IGF1R: variants seen among roughly 807,000 people sequenced by gnomAD.
The protein encoded by IGF1R is insulin-like growth factor 1 receptor.
In IGF1R, 44 loss-of-function variants were observed where a neutral mutation model predicts 144.6. That is an observed-to-expected ratio of 0.30 (90% CI 0.24 to 0.39). The LOEUF is 0.39. IGF1R is among the 10% of genes least tolerant of loss of function. The pLI is 1.00. For missense variants in IGF1R, 1,355 were observed against 1,833.7 expected (o/e 0.74, Z 4.77); for synonymous variants, 795 against 722.8 (o/e 1.10, Z -1.60).
chr15:98,911,233 G>A lies in IGF1R; in HGVS notation c.1463-82G>A, dbSNP rs1238486850. ...AGCATATACAGCCAGCTTTGGGGAAGGGGGAAGCAGTGCCAAGCAAGACAG... is the reference window on the plus strand; with the variant it reads ...AGCATATACAGCCAGCTTTGGGGAAAGGGGAAGCAGTGCCAAGCAAGACAG... On this transcript the variant is annotated intron_variant, in intron 6 of 20. Coordinates refer to ENST00000650285, the MANE Select transcript of IGF1R (RefSeq NM_000875.5). The A allele has an allele frequency of 5.8e-6, 9 of 1,538,466 alleles. No individual in the cohort carries two copies. In the East Asian group the frequency reaches 9.1e-5, roughly 16 times the overall value.
In IGF1R at chr15:98,891,416, C is replaced by T. The variant is rs765728831; in HGVS notation, c.732C>T (p.Asn244=). Residue 244 remains asparagine (N), a synonymous_variant, in exon 3 of 21, where the codon AAC becomes AAT. Coordinates refer to ENST00000650285, the MANE Select transcript of IGF1R (RefSeq NM_000875.5). The surrounding 1 kb of genome is among the most constrained non-coding windows in gnomAD (Gnocchi z 4.7). ...TGGGCAGCTGCAGCGCGCCTGACAA[C>T]GACACGGCCTGTGTAGCTTGCCGCC... is the stretch of plus-strand genomic sequence containing the variant. ...ECLGSCSAPD[N]DTACVACRHY... is the part of the protein sequence containing the mutation. The T allele has an allele frequency of 1.5e-5, 24 of 1,613,514 alleles. No individual in the cohort carries two copies. Among genetic ancestry groups the T allele is most frequent in the Non-Finnish European group, 1.9e-5 (23 of 1,180,022 alleles).
At chr15:98,655,644 TA>T (rs532301174) in intron 1 of IGF1R, among the ~76,000 whole-genome samples, 4,294 of 147,254 alleles carry the variant, frequency 0.029, 201 homozygotes, top group African/African-American at 0.098. Context: ...CCATGTTTAT[TA>T]AAAAAAAAAA....
At chr15:98,750,503 T>C (rs2054983724) in intron 2 of IGF1R, among the ~76,000 whole-genome samples, 1 of 152,152 alleles carries the variant, frequency 6.6e-6, no homozygotes, top group Admixed American at 6.5e-5. Flanking sequence ...CTGTCATCCT[T>C]GGTTTCATTT....
chr15:98,668,245 G>T (rs1041758336), intron 1 of IGF1R, among the ~76,000 whole-genome samples: 3 of 152,054 alleles, frequency 2.0e-5, no homozygotes, highest in Non-Finnish European at 2.9e-5. Flanking sequence ...CCTCCCTAAG[G>T]CCCCACCTTC....
At chr15:98,804,297 C>T (rs1472786269) in intron 2 of IGF1R, among the ~76,000 whole-genome samples, 1 of 152,060 alleles carries the variant, frequency 6.6e-6, no homozygotes, top group Non-Finnish European at 1.5e-5. Context: ...TTTTAGAATG[C>T]CATGAAATAT....
At chr15:98,751,643 T>C (rs1311208460) in intron 2 of IGF1R, among the ~76,000 whole-genome samples, 1 of 152,178 alleles carries the variant, frequency 6.6e-6, no homozygotes, top group East Asian at 1.9e-4. Context: ...TTATTTCAAA[T>C]TATCTCCCTA....
chr15:98,664,959 ATTT>A (rs376830930), intron 1 of IGF1R, among the ~76,000 whole-genome samples: 5,674 of 130,122 alleles, frequency 0.044, 360 homozygotes, highest in African/African-American at 0.15. Flanking sequence ...AACCAGCTTC[ATTT>A]TTTTTTTTTT....
intron 2 of IGF1R, among the ~76,000 whole-genome samples, chr15:98,792,608 G>A (rs2056152651): frequency 1.3e-5 from 2 of 152,116 alleles, no homozygotes; most frequent in South Asian, 4.2e-4. Flanking sequence ...CCAAATTAGG[G>A]GATCTTTTCA....
chr15:98,958,344 C>T lies in IGF1R; in HGVS notation c.*902C>T, dbSNP rs1243824156. On this transcript the variant is annotated 3_prime_UTR_variant, in exon 21 of 21. Transcript: ENST00000650285. ...CCAAGAATCTGGTGGCCATGGGCCC[C>T]GAAGCAGCCTGGCGGACAGGCTTGG... 6 of 222,926 alleles carry T rather than the reference C, an allele frequency of 2.7e-5. No individual in the cohort carries two copies. The highest frequency in any genetic ancestry group is 1.8e-4 in the South Asian group (1 of 5,412). 13.8% of individuals were successfully genotyped at this position (222,926 alleles called of 1,614,324 possible).
intron 2 of IGF1R, among the ~76,000 whole-genome samples, chr15:98,797,849 CA>C (rs2056281903): frequency 6.6e-6 from 1 of 152,116 alleles, no homozygotes; most frequent in Non-Finnish European, 1.5e-5. Flanking sequence ...AAAATAATGT[CA>C]GACAGTGGTA....
At chr15:98,736,234 A>C (rs561101887) in intron 2 of IGF1R, among the ~76,000 whole-genome samples, 3 of 152,224 alleles carry the variant, frequency 2.0e-5, no homozygotes, top group Non-Finnish European at 4.4e-5. Context: ...AATGTGAACT[A>C]ATTACATTTG....
At chr15:98,724,886 GAGA>G (rs1263511010) in intron 2 of IGF1R, among the ~76,000 whole-genome samples, 2 of 152,204 alleles carry the variant, frequency 1.3e-5, no homozygotes, top group Non-Finnish European at 2.9e-5. Context: ...CCCTGGAATA[GAGA>G]AGTTCAGTGA....
rs977345126 is a variant in IGF1R at position 98,960,452 on chromosome 15, G to A, written c.*3010G>A. On this transcript the variant is annotated 3_prime_UTR_variant, in exon 21 of 21. Transcript: ENST00000650285. ...TGTCTTTGGAACAAACTGCTTCTGTGCAGATGGAATGACCAACACATTTCG... is the reference window on the plus strand; with the variant it reads ...TGTCTTTGGAACAAACTGCTTCTGTACAGATGGAATGACCAACACATTTCG... 2.2e-5 allele frequency: 5 copies of A among 226,110 alleles called. No homozygotes were observed. Among genetic ancestry groups the A allele is most frequent in the Non-Finnish European group, 4.4e-5 (5 of 114,092 alleles). The allele number at this position is 226,110 out of a possible 1,614,324, so 14.0% of individuals were successfully genotyped here.
rs573806515 is a variant in IGF1R, at chr15:98,902,361, A to G, written c.1247+2740A>G. ...ATATTTTCCCCTCACACTGCTGCCT[A>G]ATGTTTTAGAGGTTCACCCATGTTG... On this transcript the variant is annotated intron_variant, in intron 5 of 20. Transcript: ENST00000650285. 7.9e-5 allele frequency among the ~76,000 whole-genome samples: 12 copies of G among 151,350 alleles called. No homozygotes were observed. In the East Asian group the frequency reaches 1.5e-3, roughly 20 times the overall value.
At chr15:98,857,053 G>A (rs537995982) in intron 2 of IGF1R, among the ~76,000 whole-genome samples, 1 of 151,704 alleles carries the variant, frequency 6.6e-6, no homozygotes, top group African/African-American at 2.4e-5. Flanking sequence ...TTCTACAATC[G>A]AATGTACAAC....
intron 2 of IGF1R, among the ~76,000 whole-genome samples, chr15:98,883,673 G>A (rs879697451): frequency 6.6e-5 from 10 of 152,154 alleles, no homozygotes; most frequent in Admixed American, 2.0e-4. Context: ...TGGACTCAGC[G>A]CCTGCCCCGG....
At chr15:98,775,681 G>A (rs2055695344) in intron 2 of IGF1R, among the ~76,000 whole-genome samples, 1 of 152,198 alleles carries the variant, frequency 6.6e-6, no homozygotes, top group Non-Finnish European at 1.5e-5. Context: ...TGGGTCCCTG[G>A]TCCGCACTGA....
intron 1 of IGF1R, among the ~76,000 whole-genome samples, chr15:98,659,829 A>G (rs569660290): frequency 4.6e-5 from 7 of 152,214 alleles, no homozygotes; most frequent in Non-Finnish European, 1.0e-4. Context: ...GCTCTATTTA[A>G]ACAGGTAGTA....
chr15:98,943,108 A>G, intron 19 of IGF1R, 56 bp downstream of exon 19: 1 of 1,596,872 alleles, frequency 6.3e-7, no homozygotes. Flanking sequence ...TGCACTTTCC[A>G]CCAGCTCAGT....
Sources: gnomAD v4.1 joint callset for allele counts (sites outside exome capture counted in the v4.1 genomes callset) on GRCh38, gnomAD v4.1.1 for gene constraint, Gnocchi (gnomAD v3.1) non-coding constraint, MANE v1.5 for transcripts, NCBI Gene and HGNC (gene_info 2026-07-23, HGNC 2026-07-21) for gene names.